URGCP: variants seen among roughly 807,000 people sequenced by gnomAD.
The protein encoded by URGCP is up-regulator of cell proliferation.
A neutral mutation model predicts 24.6 loss-of-function variants in URGCP; 13 were observed. The ratio of observed to expected loss-of-function variants is 0.53; its 90% CI spans 0.34 to 0.84. The LOEUF (loss-of-function observed/expected upper bound fraction) is 0.84. Among genes scored for constraint, URGCP ranks in the 40% least tolerant of loss-of-function variants. The pLI, the probability that URGCP is intolerant of heterozygous loss-of-function variation, is 0.01. For synonymous variants in URGCP, 444 were observed against 487.2 expected, an observed-to-expected ratio of 0.91 and a Z score of 1.17; for missense variants, 899 against 1,194.3, an observed-to-expected ratio of 0.75 and a Z score of 3.64.
At position 43,877,672 on chromosome 7, in the gene URGCP, C is replaced by T; in HGVS notation, c.1791G>A (p.Gly597=). The T allele has an allele frequency of 1.2e-6, 2 of 1,614,064 alleles. No homozygotes were observed. The highest frequency in any genetic ancestry group is 3.3e-4 in the Middle Eastern group (2 of 6,062). The change falls in exon 6 of 6, where the codon GGG becomes GGA. Residue 597 remains glycine, a synonymous_variant. Transcript: ENST00000453200. ...GCGGCTCCCCCACGTCTGTGGTGCC[C>T]CCATGCTTTGGTCTCAGGGTGAGAA... ...ETLLTLRPKH[G]GTTDVGEPLW... is the part of the protein sequence containing the mutation.
intron 1 of URGCP, among the ~76,000 whole-genome samples, chr7:43,922,648 C>T (rs1056487185): frequency 2.6e-5 from 4 of 152,168 alleles, no homozygotes; most frequent in African/African-American, 9.7e-5. Flanking sequence ...CAACCTCAAC[C>T]TCCTAGGCCC....
chr7:43,921,429 T>C (rs2095922331), intron 1 of URGCP, among the ~76,000 whole-genome samples: 1 of 152,222 alleles, frequency 6.6e-6, no homozygotes, highest in Non-Finnish European at 1.5e-5. Flanking sequence ...CTGTAATACC[T>C]TTTAGTTCAT....
chr7:43,908,432 G>T (rs1387988239), upstream of URGCP, among the ~76,000 whole-genome samples: 2 of 152,124 alleles, frequency 1.3e-5, no homozygotes, highest in Non-Finnish European at 2.9e-5. Flanking sequence ...ATAAAATCTG[G>T]TTCAGAAACC....
At chr7:43,921,122 C>T (rs368147986) in intron 1 of URGCP, among the ~76,000 whole-genome samples, 13 of 152,208 alleles carry the variant, frequency 8.5e-5, no homozygotes, top group African/African-American at 2.6e-4. Context: ...GTCAGGAGAT[C>T]GAGACCATCT....
chr7:43,915,575 T>C (rs2095914611), intron 1 of URGCP, among the ~76,000 whole-genome samples: 1 of 152,188 alleles, frequency 6.6e-6, no homozygotes, highest in Non-Finnish European at 1.5e-5. Flanking sequence ...TCCCTGCCCC[T>C]CCCAGCTGGG....
chr7:43,912,688 A>C (rs568013738), intron 1 of URGCP, among the ~76,000 whole-genome samples: 59 of 152,284 alleles, frequency 3.9e-4, no homozygotes, highest in African/African-American at 1.3e-3. Context: ...ATTGTCTTCC[A>C]ATTCAACCCA....
chr7:43,918,811 A>T, intron 1 of URGCP: 1 of 1,151,746 alleles, frequency 8.7e-7, no homozygotes, highest in African/African-American at 1.5e-5. Flanking sequence ...ACCATGGAGG[A>T]GTTCGCTACT....
intron 1 of URGCP, among the ~76,000 whole-genome samples, chr7:43,911,836 T>C (rs1470218835): frequency 6.6e-6 from 1 of 152,048 alleles, no homozygotes; most frequent in Non-Finnish European, 1.5e-5. Flanking sequence ...TAATACATCA[T>C]AAAATAATAA....
At chr7:43,897,606 G>T (rs563731188) in intron 1 of URGCP, among the ~76,000 whole-genome samples, 1 of 152,002 alleles carries the variant, frequency 6.6e-6, no homozygotes, top group South Asian at 2.1e-4. Context: ...AAATAAAAAA[G>T]ATTTTTTAAA....
intron 1 of URGCP, among the ~76,000 whole-genome samples, chr7:43,923,609 ATT>A (rs1187895547): frequency 2.5e-4 from 38 of 152,002 alleles, no homozygotes; most frequent in Admixed American, 5.2e-4. Flanking sequence ...AAATGTGCTT[ATT>A]GTCCAGTTGA....
At position 43,876,447 on chromosome 7, in the gene URGCP, G is replaced by C. The variant is rs1314095367; in HGVS notation, c.*220C>G. 1 of 578,946 alleles carries C rather than the reference G, an allele frequency of 1.7e-6. No individual in the cohort carries two copies. Among genetic ancestry groups the C allele is most frequent in the Non-Finnish European group, 3.0e-6 (1 of 328,250 alleles). The allele number at this position is 578,946 out of a possible 1,614,324, so 35.9% of individuals were successfully genotyped here. On this transcript the variant is annotated 3_prime_UTR_variant, in exon 6 of 6. Coordinates refer to ENST00000453200, the MANE Select transcript of URGCP (RefSeq NM_001077663.3). ...ACTGCTGCTTGTCTCCCTACCCTGGGGGCTGTGATATTCTTGGTAACATCT... is the reference window on the plus strand; with the variant it reads ...ACTGCTGCTTGTCTCCCTACCCTGGCGGCTGTGATATTCTTGGTAACATCT...
upstream of URGCP, among the ~76,000 whole-genome samples, chr7:43,910,525 G>A (rs1049624661): frequency 1.3e-5 from 2 of 150,270 alleles, 1 homozygote; most frequent in South Asian, 4.2e-4. Flanking sequence ...CACCATGCCT[G>A]GTCCCATCTT....
chr7:43,895,606 C>T (rs2095877064), intron 1 of URGCP, among the ~76,000 whole-genome samples: 1 of 152,266 alleles, frequency 6.6e-6, no homozygotes, highest in African/African-American at 2.4e-5. Context: ...ACCCAGGAGG[C>T]AGAGGTTGCA....
intron 1 of URGCP, among the ~76,000 whole-genome samples, chr7:43,914,394 A>G (rs567823295): frequency 1.9e-4 from 29 of 152,250 alleles, no homozygotes; most frequent in Admixed American, 5.9e-4. Flanking sequence ...AGTCCTAACT[A>G]CTTGGGTGCC....
upstream of URGCP, among the ~76,000 whole-genome samples, chr7:43,908,502 G>C (rs1045254789): frequency 2.0e-5 from 3 of 152,174 alleles, no homozygotes; most frequent in Non-Finnish European, 4.4e-5. Context: ...AGGTCTCTCT[G>C]ATCTCCCTCC....
intron 1 of URGCP, among the ~76,000 whole-genome samples, chr7:43,904,133 C>T (rs1042419365): frequency 1.3e-5 from 2 of 152,210 alleles, no homozygotes; most frequent in Non-Finnish European, 2.9e-5. Context: ...TTACCTTCAG[C>T]GAGTGGTGGG....
chr7:43,923,459 A>G (rs2095925105), intron 1 of URGCP, among the ~76,000 whole-genome samples: 4 of 151,758 alleles, frequency 2.6e-5, no homozygotes, highest in Admixed American at 2.6e-4. Flanking sequence ...GCTAACTTTT[A>G]AATTTTTCTG....
chr7:43,916,790 G>A (rs1431820621), intron 1 of URGCP, among the ~76,000 whole-genome samples: 2 of 134,602 alleles, frequency 1.5e-5, no homozygotes, highest in Non-Finnish European at 3.0e-5. Context: ...CCGGGACTCA[G>A]GGATACAAGG....
intron 3 of URGCP, among the ~76,000 whole-genome samples, chr7:43,883,355 TATA>T (rs1335166236): frequency 4.5e-4 from 45 of 101,084 alleles, no homozygotes; most frequent in African/African-American, 2.3e-3. Context: ...TATATATATA[TATA>T]TATATTTTTT....
Sources: allele counts gnomAD v4.1 joint callset (sites outside exome capture counted in the v4.1 genomes callset), GRCh38; gene constraint gnomAD v4.1.1; transcripts MANE v1.5; gene names NCBI Gene and HGNC (gene_info 2026-07-23, HGNC 2026-07-21).